The following TOX variants were observed in gnomAD, a reference collection of about 807,000 sequenced individuals.
TOX encodes thymocyte selection-associated high mobility group box protein TOX.
In TOX, 11 loss-of-function variants were observed where a neutral mutation model predicts 53.7. The ratio of observed to expected loss-of-function variants is 0.20; its 90% confidence interval spans 0.13 to 0.34. TOX has a LOEUF of 0.34. Ranked by LOEUF, TOX falls within the 10% of genes least tolerant of loss-of-function variation. The pLI, the probability that TOX is intolerant of heterozygous loss-of-function variation, is 1.00. For synonymous variants in TOX, 225 were observed against 245.3 expected (o/e 0.92, Z 0.77); for missense variants, 570 against 664.6 (o/e 0.86, Z 1.56).
At chr8:59,037,817 A>AT (rs1217810080) in intron 1 of TOX, among the ~76,000 whole-genome samples, 1 of 146,038 alleles carries the variant, frequency 6.8e-6, no homozygotes, top group Non-Finnish European at 1.5e-5. Context: ...AAAAAAAAAA[A>AT]AAAAATTTGT....
At chr8:58,887,065 AGT>A (rs973296661) in intron 3 of TOX, among the ~76,000 whole-genome samples, 1 of 151,948 alleles carries the variant, frequency 6.6e-6, no homozygotes, top group African/African-American at 2.4e-5. Context: ...ATAGAAAATG[AGT>A]GTGGAATTTT....
intron 4 of TOX, among the ~76,000 whole-genome samples, chr8:58,850,821 A>G (rs1050701851): frequency 6.6e-6 from 1 of 152,242 alleles, no homozygotes; most frequent in Non-Finnish European, 1.5e-5. Flanking sequence ...TTAACCATGT[A>G]TATCAGGATT....
intron 1 of TOX, among the ~76,000 whole-genome samples, chr8:59,037,574 T>G (rs1053053326): frequency 2.3e-4 from 35 of 152,146 alleles, no homozygotes; most frequent in African/African-American, 8.2e-4. Context: ...GAAGCCAAAG[T>G]GGGCAGATCA....
chr8:59,035,576 T>G (rs1372586642), intron 1 of TOX, among the ~76,000 whole-genome samples: 6 of 152,198 alleles, frequency 3.9e-5, no homozygotes, highest in Non-Finnish European at 8.8e-5. Flanking sequence ...ACAGAAGCCA[T>G]GCATTTCATT....
rs1810815037 is a variant in TOX at position 58,851,221 on chromosome 8, T to C, written c.693+303A>G. Among the ~76,000 whole-genome samples, 5 of 146,116 alleles carry C rather than the reference T, an allele frequency of 3.4e-5. No individual in the cohort carries two copies. In the South Asian group the frequency reaches 9.0e-4, roughly 26 times the overall value. On this transcript the variant is annotated intron_variant, in intron 4 of 8. Coordinates refer to ENST00000361421, the MANE Select transcript of TOX (RefSeq NM_014729.3). This position sits in a 1 kb window ranked among gnomAD's most constrained non-coding sequence, Gnocchi z 4.4. Reference sequence around the variant, plus strand: ...CACACACACACACACACGACCTTCATTGTACCCCAGTATACTGCCTTCTTA... The same window carrying C: ...CACACACACACACACACGACCTTCACTGTACCCCAGTATACTGCCTTCTTA...
chr8:59,066,359 T>C (rs1804093478), intron 1 of TOX, among the ~76,000 whole-genome samples: 1 of 152,176 alleles, frequency 6.6e-6, no homozygotes, highest in South Asian at 2.1e-4. Context: ...TCTCCATTAC[T>C]AGGTCAAATT....
At chr8:59,010,695 A>T (rs1486379226) in intron 1 of TOX, among the ~76,000 whole-genome samples, 1 of 152,250 alleles carries the variant, frequency 6.6e-6, no homozygotes, top group Non-Finnish European at 1.5e-5. Flanking sequence ...CATGAGGATC[A>T]CTAGGATAAT....
intron 1 of TOX, among the ~76,000 whole-genome samples, chr8:58,966,227 C>G (rs1812897300): frequency 6.6e-6 from 1 of 152,140 alleles, no homozygotes; most frequent in African/African-American, 2.4e-5. Context: ...TGCCTCCATG[C>G]TGAGCCCAGC....
chr8:58,830,141 T>C (rs991074532), intron 5 of TOX, among the ~76,000 whole-genome samples: 1 of 152,200 alleles, frequency 6.6e-6, no homozygotes, highest in Non-Finnish European at 1.5e-5. Flanking sequence ...TTCCAAATGG[T>C]CCACAGCTGT....
chr8:59,084,835 A>T lies in TOX; in HGVS notation c.102+34051T>A, dbSNP rs1804478486. 2.0e-5 allele frequency among the ~76,000 whole-genome samples: 3 copies of T among 152,196 alleles called. No homozygotes were observed. In the South Asian group the frequency reaches 6.2e-4, roughly 31 times the overall value. On this transcript the variant is annotated intron_variant, in intron 1 of 8. Transcript: ENST00000361421. Reference sequence around the variant, plus strand: ...CTGGAAAAAATCATTTTGTCTTTCAACAGGTTTCTAGAATACAGTAAAATA... The same window carrying T: ...CTGGAAAAAATCATTTTGTCTTTCATCAGGTTTCTAGAATACAGTAAAATA...
rs1005068984 is a variant in TOX, at chr8:58,805,942, A to T, written c.*1805T>A. 6.5e-6 allele frequency: 1 copy of T among 152,678 alleles called. No individual in the cohort carries two copies. The highest frequency in any genetic ancestry group is 2.1e-4 in the South Asian group (1 of 4,832). The allele number at this position is 152,678 out of a possible 1,614,324, so 9.5% of individuals were successfully genotyped here. ...TAATTCTGAGTGGATTACACAATGC[A>T]TATATTTGTATTTAGTTAAACTGCT... is the stretch of plus-strand genomic sequence containing the variant. On this transcript the variant is annotated 3_prime_UTR_variant, in exon 9 of 9. Coordinates refer to ENST00000361421, the MANE Select transcript of TOX (RefSeq NM_014729.3).
At chr8:58,905,984 A>T (rs1220629697) in intron 3 of TOX, among the ~76,000 whole-genome samples, 2 of 152,164 alleles carry the variant, frequency 1.3e-5, no homozygotes, top group African/African-American at 2.4e-5. Context: ...TCAATTTCAC[A>T]CCTTTTCATT....
chr8:59,041,042 A>G (rs1221712406), intron 1 of TOX, among the ~76,000 whole-genome samples: 1 of 150,634 alleles, frequency 6.6e-6, no homozygotes, highest in African/African-American at 2.4e-5. Flanking sequence ...ACCTTTGACC[A>G]TCAGCAGGAG....
At chr8:58,907,345 G>C (rs974682045) in intron 3 of TOX, among the ~76,000 whole-genome samples, 1 of 152,038 alleles carries the variant, frequency 6.6e-6, no homozygotes, top group African/African-American at 2.4e-5. Context: ...CCCATTCTGG[G>C]AGTTAAAAAT....
At chr8:58,974,864 G>A (rs1813062472) in intron 1 of TOX, among the ~76,000 whole-genome samples, 1 of 151,864 alleles carries the variant, frequency 6.6e-6, no homozygotes, top group Non-Finnish European at 1.5e-5. Context: ...TGAGTAGATG[G>A]CACTATTAAT....
intron 2 of TOX, among the ~76,000 whole-genome samples, chr8:58,948,821 T>TA (rs1319486706): frequency 6.6e-6 from 1 of 151,690 alleles, no homozygotes; most frequent in Non-Finnish European, 1.5e-5. Flanking sequence ...TTAACTAGCT[T>TA]AAAAAAATTA....
rs1308512564 is a variant in TOX at position 59,053,761 on chromosome 8, C to T, written c.102+65125G>A. Reference sequence around the variant, plus strand: ...CATTGGCCTTGAGATACTCAAATGTCGAATCTATTTCCATTTAAAAGGGAA... The same window carrying T: ...CATTGGCCTTGAGATACTCAAATGTTGAATCTATTTCCATTTAAAAGGGAA... On this transcript the variant is annotated intron_variant, in intron 1 of 8. Coordinates refer to ENST00000361421, the MANE Select transcript of TOX (RefSeq NM_014729.3). Among the ~76,000 whole-genome samples, 4 of 151,944 alleles carry T rather than the reference C, an allele frequency of 2.6e-5. No homozygotes were observed. In the East Asian group the frequency reaches 5.8e-4, roughly 22 times the overall value.
At chr8:59,054,734 TCTCC>T (rs78238002) in intron 1 of TOX, among the ~76,000 whole-genome samples, 13,517 of 149,680 alleles carry the variant, frequency 0.09, 1,422 homozygotes, top group East Asian at 0.49. Flanking sequence ...ACAGAAATGT[TCTCC>T]ACCAAGTACC....
chr8:59,050,939 A>G (rs568880469), intron 1 of TOX, among the ~76,000 whole-genome samples: 7 of 152,298 alleles, frequency 4.6e-5, no homozygotes, highest in Middle Eastern at 3.4e-3. Flanking sequence ...ATCATCTAAC[A>G]TTTATGAGAG....
Sources: allele counts gnomAD v4.1 joint callset (sites outside exome capture counted in the v4.1 genomes callset), GRCh38; gene constraint gnomAD v4.1.1; non-coding constraint Gnocchi (gnomAD v3.1); transcripts MANE v1.5; gene names NCBI Gene and HGNC (gene_info 2026-07-23, HGNC 2026-07-21).